PSD3: variants seen among roughly 807,000 people sequenced by gnomAD.
The protein encoded by PSD3 is PH and SEC7 domain-containing protein 3.
PSD3 carries 49 observed loss-of-function variants against 105.5 expected under a neutral mutation model. The observed-to-expected ratio is 0.46, with a 90% confidence interval of 0.37 to 0.59. The LOEUF (loss-of-function observed/expected upper bound fraction) is 0.59. Among genes scored for constraint, PSD3 ranks in the 20% least tolerant of loss-of-function variants. The pLI is 0.00. For synonymous variants in PSD3, 557 were observed against 457.8 expected, an observed-to-expected ratio of 1.22 and a Z score of -2.77; for missense variants, 1,561 against 1,263.8, an observed-to-expected ratio of 1.24 and a Z score of -3.57.
chr8:18,631,589 T>A (rs762343229), intron 11 of PSD3, among the ~76,000 whole-genome samples: 1 of 151,378 alleles, frequency 6.6e-6, no homozygotes, highest in South Asian at 2.1e-4. Flanking sequence ...TGTGCCCTTT[T>A]GCTAAGATGG....
chr8:18,996,886 C>T (rs1449395806), intron 1 of PSD3, among the ~76,000 whole-genome samples: 1 of 151,920 alleles, frequency 6.6e-6, no homozygotes, highest in Non-Finnish European at 1.5e-5. Context: ...ATTGCTAAAT[C>T]CCTGGGTCAA....
chr8:18,847,351 A>G (rs1815179683), intron 4 of PSD3, among the ~76,000 whole-genome samples: 1 of 152,184 alleles, frequency 6.6e-6, no homozygotes, highest in South Asian at 2.1e-4. Flanking sequence ...TGAAAGAACA[A>G]TGCAAAACGT....
At chr8:18,960,803 AGGCTGGGCACAGT>A (rs1478734179) in intron 1 of PSD3, among the ~76,000 whole-genome samples, 1 of 152,158 alleles carries the variant, frequency 6.6e-6, no homozygotes, top group Non-Finnish European at 1.5e-5. Flanking sequence ...TCTTAAAGAC[AGGCTGGGCACAGT>A]GGCTAATATC....
rs1802105808 is a variant in PSD3, at chr8:18,709,395, C to T, written c.2173-53710G>A. On this transcript the variant is annotated intron_variant, in intron 9 of 15. Transcript: ENST00000327040. ...GGGGCGGCCACTGTCTCTGGTTCAG[C>T]AGATTTAATCTCTCCCGCCTGCTGG... Among the ~76,000 whole-genome samples the T allele has an allele frequency of 2.6e-5, 4 of 152,318 alleles. No homozygotes were observed. In the South Asian group the frequency reaches 8.3e-4, roughly 32 times the overall value.
intron 15 of PSD3, among the ~76,000 whole-genome samples, chr8:18,536,453 C>T (rs943922943): frequency 6.6e-6 from 1 of 152,168 alleles, no homozygotes; most frequent in Non-Finnish European, 1.5e-5. Context: ...GGGACCATTC[C>T]GTGGCTAATC....
intron 11 of PSD3, among the ~76,000 whole-genome samples, chr8:18,620,157 C>T (rs1447934868): frequency 6.6e-6 from 1 of 152,164 alleles, no homozygotes; most frequent in Non-Finnish European, 1.5e-5. Context: ...ACTCAACCAT[C>T]CCTAAAACCC....
intron 15 of PSD3, among the ~76,000 whole-genome samples, chr8:18,538,434 C>T (rs751744978): frequency 2.0e-5 from 3 of 152,162 alleles, no homozygotes; most frequent in Non-Finnish European, 4.4e-5. Flanking sequence ...AGATTCTAAA[C>T]GCCTCTTCAT....
Position 18,657,432 on chromosome 8 carries a change from A to G in PSD3, c.2173-1747T>C, listed in dbSNP as rs144702759. ...TAGTCAATTCAACTATTGAAATATT[A>G]CAGTAGCTAATAAAAACCAGGTCAC... On this transcript the variant is annotated intron_variant, in intron 9 of 15. Transcript: ENST00000327040. Among the ~76,000 whole-genome samples the G allele has an allele frequency of 5.4e-3, 819 of 152,354 alleles. 5 individuals are homozygous for G. Among genetic ancestry groups the G allele is most frequent in the African/African-American group, 0.018 (765 of 41,586 alleles).
chr8:18,879,786 C>A (rs908716197), intron 2 of PSD3, among the ~76,000 whole-genome samples: 1 of 151,998 alleles, frequency 6.6e-6, no homozygotes, highest in Non-Finnish European at 1.5e-5. Context: ...TTTGTAGAGA[C>A]GGGGTTTCCC....
chr8:18,691,917 G>A (rs951462373), intron 9 of PSD3, among the ~76,000 whole-genome samples: 1 of 152,208 alleles, frequency 6.6e-6, no homozygotes, highest in Non-Finnish European at 1.5e-5. Flanking sequence ...CAGAGACAGA[G>A]AGGGAGCCAC....
chr8:18,556,504 A>T, intron 14 of PSD3, 152 bp from the exon 15 acceptor site: 1 of 787,256 alleles, frequency 1.3e-6, no homozygotes, highest in Non-Finnish European at 2.0e-6. Context: ...CAGCTTTCTC[A>T]CGCCCCTGTC....
intron 9 of PSD3, among the ~76,000 whole-genome samples, chr8:18,696,593 T>C (rs567484272): frequency 1.3e-5 from 2 of 152,338 alleles, no homozygotes; most frequent in South Asian, 4.1e-4. Context: ...ATATTACTAA[T>C]TGCATTTTCC....
intron 12 of PSD3, among the ~76,000 whole-genome samples, chr8:18,575,920 C>T (rs1802435377): frequency 6.6e-6 from 1 of 152,102 alleles, no homozygotes; most frequent in Non-Finnish European, 1.5e-5. Flanking sequence ...CATATGCTAC[C>T]AACTGTTAGA....
intron 11 of PSD3, among the ~76,000 whole-genome samples, chr8:18,620,298 C>A (rs1194128156): frequency 6.6e-6 from 1 of 151,294 alleles, no homozygotes; most frequent in Non-Finnish European, 1.5e-5. Context: ...CAAACTGTAA[C>A]CTGACTGTCT....
intron 4 of PSD3, among the ~76,000 whole-genome samples, chr8:18,859,877 T>C (rs1816308069): frequency 1.3e-5 from 2 of 152,168 alleles, no homozygotes; most frequent in Admixed American, 1.3e-4. Context: ...AGAAATAAGG[T>C]GTTTTCCTTA....
At position 18,992,715 on chromosome 8, in the gene PSD3, C is replaced by G. The variant is rs143419852; in HGVS notation, c.21+20848G>C. Among the ~76,000 whole-genome samples, 427 of 152,256 alleles carry G rather than the reference C, an allele frequency of 2.8e-3. 3 individuals carry two copies. The highest frequency in any genetic ancestry group is 9.9e-3 in the African/African-American group (413 of 41,566). ...AAAAATGTACTAGAAATGATTCAGT[C>G]TTCTTCATCCATACATTAGAAACCA... is the stretch of plus-strand genomic sequence containing the variant. On this transcript the variant is annotated intron_variant, in intron 1 of 15. Transcript: ENST00000327040.
At chr8:18,938,545 C>A (rs913868547) in intron 1 of PSD3, among the ~76,000 whole-genome samples, 23 of 151,108 alleles carry the variant, frequency 1.5e-4, no homozygotes, top group Non-Finnish European at 2.5e-4. Context: ...ATCGCTTGAA[C>A]CTGGGACGTG....
intron 9 of PSD3, among the ~76,000 whole-genome samples, chr8:18,749,026 G>A (rs967089889): frequency 2.0e-5 from 3 of 152,188 alleles, no homozygotes; most frequent in South Asian, 2.1e-4. Flanking sequence ...CCAAAGAGAA[G>A]GTGGTACAAC....
chr8:18,801,948 T>C (rs945646525), intron 6 of PSD3, among the ~76,000 whole-genome samples: 24 of 152,196 alleles, frequency 1.6e-4, no homozygotes, highest in Middle Eastern at 3.4e-3. Context: ...AAGTAGCCAA[T>C]TTTAAAAGGT....
Sources: gnomAD v4.1 joint callset for allele counts (sites outside exome capture counted in the v4.1 genomes callset) on GRCh38, gnomAD v4.1.1 for gene constraint, MANE v1.5 for transcripts, NCBI Gene and HGNC (gene_info 2026-07-23, HGNC 2026-07-21) for gene names.